The following DNAJC21 variants were observed in gnomAD, a reference collection of about 807,000 sequenced individuals.
DNAJC21 encodes the protein DnaJ heat shock protein family (Hsp40) member C21, also known as dnaJ homolog subfamily C member 21.
Under a neutral mutation model 72.4 loss-of-function variants are expected in DNAJC21, and 63 were observed. That is an observed-to-expected ratio of 0.87 (90% CI 0.71 to 1.07). The LOEUF is 1.07. Ranked by LOEUF, DNAJC21 falls within the 50% of genes least tolerant of loss-of-function variation. DNAJC21 has a pLI of 0.00. For synonymous variants in DNAJC21, 203 were observed against 216.7 expected, an observed-to-expected ratio of 0.94 and a Z score of 0.56; for missense variants, 634 against 644.8, an observed-to-expected ratio of 0.98 and a Z score of 0.18.
chr5:34,949,694 T>G (rs564526383), intron 9 of DNAJC21: 8 of 1,613,308 alleles, frequency 5.0e-6, no homozygotes, highest in Admixed American at 3.3e-5. Context: ...TTAGGATATG[T>G]TTGCCAGGCG....
rs2112108928 is a variant in DNAJC21 at position 34,954,543 on chromosome 5, C to T, written c.1435-10C>T. On this transcript the variant is annotated splice_polypyrimidine_tract_variant and intron_variant, in intron 11 of 11. Transcript: ENST00000648817. Reference sequence around the variant, plus strand: ...GCTTACTTTTATTTATGATTTTTTGCCCTTCTCAGAGTGTTCTTATCAGCT... The same window carrying T: ...GCTTACTTTTATTTATGATTTTTTGTCCTTCTCAGAGTGTTCTTATCAGCT... 2 of 1,584,244 alleles carry T rather than the reference C, an allele frequency of 1.3e-6. No individual in the cohort carries two copies. Among genetic ancestry groups the T allele is most frequent in the Middle Eastern group, 1.7e-4 (1 of 5,892 alleles).
At chr5:34,933,720 G>C in intron 1 of DNAJC21, 95 bp from the exon 2 acceptor site, 1 of 878,606 alleles carries the variant, frequency 1.1e-6, no homozygotes, top group Admixed American at 2.3e-5. Flanking sequence ...TTTTGTGCAC[G>C]TCTCATCTGT....
intron 1 of DNAJC21, 92 bp downstream of exon 1, chr5:34,930,008 CAG>C: frequency 9.8e-7 from 1 of 1,025,134 alleles, no homozygotes; most frequent in Non-Finnish European, 1.3e-6. Flanking sequence ...GCGGAGCCAG[CAG>C]AGAGGGACCT....
intron 7 of DNAJC21, among the ~76,000 whole-genome samples, chr5:34,944,239 C>T (rs974670200): frequency 3.3e-5 from 5 of 152,130 alleles, no homozygotes; most frequent in Admixed American, 6.5e-5. Flanking sequence ...ATGTACGTTA[C>T]GGTGGTGAGA....
intron 5 of DNAJC21, 109 bp downstream of exon 5, chr5:34,937,739 C>A: frequency 7.7e-7 from 1 of 1,291,444 alleles, no homozygotes; most frequent in East Asian, 2.4e-5. Context: ...TGGCTTTATC[C>A]TGCTTTTTCT....
intron 1 of DNAJC21, among the ~76,000 whole-genome samples, chr5:34,933,570 C>T (rs1029506570): frequency 3.3e-5 from 5 of 152,170 alleles, no homozygotes; most frequent in Admixed American, 1.3e-4. Flanking sequence ...TGAGCCATCA[C>T]GCCCAGCCCA....
intron 2 of DNAJC21, among the ~76,000 whole-genome samples, chr5:34,934,618 T>C (rs1279782321): frequency 6.6e-6 from 1 of 152,206 alleles, no homozygotes; most frequent in African/African-American, 2.4e-5. Flanking sequence ...GTGACAGATA[T>C]TACTAATGAT....
In DNAJC21 at chr5:34,950,190, T is replaced by C. The variant is rs749955362; in HGVS notation, c.1206T>C (p.Asn402=). The C allele has an allele frequency of 3.7e-6, 6 of 1,605,346 alleles. No homozygotes were observed. The East Asian group carries it at 1.1e-4, about 30-fold the overall frequency. The change falls in exon 10 of 12, where the codon AAT becomes AAC. Residue 402 remains asparagine (N), a synonymous_variant. Transcript: ENST00000648817. The stretch of plus-strand genomic sequence containing the variant: ...CCTAGAATTATGATGACAATTTCAA[T>C]GTAAATGGACCTGGAGAAGGAGTAA... The part of the protein sequence containing the change: ...KPAQNYDDNF[N]VNGPGEGVKV...
intron 6 of DNAJC21, among the ~76,000 whole-genome samples, chr5:34,940,437 A>G (rs1272306740): frequency 1.3e-5 from 2 of 152,200 alleles, no homozygotes; most frequent in Non-Finnish European, 2.9e-5. Flanking sequence ...ATACCTTGAG[A>G]TATTTATTGG....
chr5:34,958,503 G>A lies in DNAJC21; in HGVS notation c.*3789G>A, dbSNP rs556102839. 2 of 152,282 alleles carry A rather than the reference G, an allele frequency of 1.3e-5. No individual in the cohort carries two copies. The highest frequency in any genetic ancestry group is 2.9e-5 in the Non-Finnish European group (2 of 68,024). The allele number at this position is 152,282 out of a possible 1,614,324, so 9.4% of individuals were successfully genotyped here. A position where few individuals can be genotyped will look rare whatever the true frequency, so the allele number is the denominator to read the frequency against. On this transcript the variant is annotated 3_prime_UTR_variant, in exon 12 of 12. Transcript: ENST00000648817. ...GTTATTTTCATGATTTTGCAAATGGGAAGGATTTCTTTAAAGCAAGACACA... is the reference window on the plus strand; with the variant it reads ...GTTATTTTCATGATTTTGCAAATGGAAAGGATTTCTTTAAAGCAAGACACA...
intron 11 of DNAJC21, 141 bp downstream of exon 11, chr5:34,954,142 A>C (rs1765464575): frequency 1.5e-6 from 1 of 666,482 alleles, no homozygotes. Context: ...GTTTTGTTTG[A>C]TATAATGTAT....
chr5:34,935,240 A>C (rs1192656915), intron 2 of DNAJC21, among the ~76,000 whole-genome samples: 3 of 152,176 alleles, frequency 2.0e-5, no homozygotes. Context: ...GGAGATAATA[A>C]CTGCCTTTAC....
chr5:34,945,599 A>G (rs1031941880), intron 8 of DNAJC21, 162 bp from the exon 9 acceptor site: 18 of 586,704 alleles, frequency 3.1e-5, no homozygotes, highest in African/African-American at 2.1e-4. Context: ...TAAAATGACA[A>G]TGTGAATACT....
intron 9 of DNAJC21, 128 bp from the exon 10 acceptor site, chr5:34,950,042 C>A: frequency 9.5e-7 from 1 of 1,050,394 alleles, no homozygotes; most frequent in Non-Finnish European, 1.3e-6. Flanking sequence ...AATGAGCATC[C>A]ATGTTCTTAA....
chr5:34,947,288 G>T (rs964201180), intron 9 of DNAJC21, among the ~76,000 whole-genome samples: 2 of 152,028 alleles, frequency 1.3e-5, no homozygotes, highest in Non-Finnish European at 2.9e-5. Flanking sequence ...ACCTTCCAAG[G>T]GATATAGTTG....
In DNAJC21 at chr5:34,936,209, A is replaced by G; in HGVS notation, c.381A>G (p.Leu127=). The change falls in exon 4 of 12, where the codon TTA becomes TTG. Residue 127 remains leucine (L), a synonymous_variant. Coordinates refer to ENST00000648817, the MANE Select transcript of DNAJC21 (RefSeq NM_001012339.3). ...MIAKEELESV[L]EEEVDDFPTF... ...CCAAGGAAGAACTAGAATCTGTGTT[A>G]GAGGAAGAGGTTGATGATTTCCCAA... 1 of 1,614,124 alleles carries G rather than the reference A, an allele frequency of 6.2e-7. No individual in the cohort carries two copies. The highest frequency in any genetic ancestry group is 8.5e-7 in the Non-Finnish European group (1 of 1,179,986).
At position 34,933,830 on chromosome 5, in the gene DNAJC21, A is replaced by G. The variant is rs1297523096; in HGVS notation, c.113A>G (p.Asn38Ser). Reference protein sequence around the residue: ...LKWHPDKNLDNAAEAAEQFKL... With the variant: ...LKWHPDKNLDSAAEAAEQFKL... ...ACTTTAACAGATAAAAATCTGGATA[A>G]TGCCGCAGAAGCAGCTGAACAATTT... is the stretch of plus-strand genomic sequence containing the variant. The change falls in exon 2 of 12, where the codon AAT (asparagine) becomes AGT (serine). Residue 38 changes from asparagine (N) to serine (S), a missense_variant. Asn to Ser is a conservative substitution (Grantham distance 46). Transcript: ENST00000648817. 6.2e-7 allele frequency: 1 copy of G among 1,613,700 alleles called. No individual in the cohort carries two copies. Among genetic ancestry groups the G allele is most frequent in the Middle Eastern group, 1.6e-4 (1 of 6,084 alleles).
intron 1 of DNAJC21, among the ~76,000 whole-genome samples, chr5:34,931,501 T>C (rs1486510553): frequency 2.6e-5 from 4 of 152,236 alleles, no homozygotes; most frequent in Non-Finnish European, 4.4e-5. Flanking sequence ...TAGCGAATGC[T>C]GTGACCAAAA....
rs2112109997 is a variant in DNAJC21, at chr5:34,954,889, A to G, written c.*175A>G. The G allele has an allele frequency of 3.0e-6, 2 of 677,216 alleles. No individual in the cohort carries two copies. The highest frequency in any genetic ancestry group is 4.4e-6 in the Non-Finnish European group (2 of 453,982). 42.0% of individuals were successfully genotyped at this position (677,216 alleles called of 1,614,324 possible). A position where few individuals can be genotyped will look rare whatever the true frequency, so the allele number is the denominator to read the frequency against. On this transcript the variant is annotated 3_prime_UTR_variant, in exon 12 of 12. Transcript: ENST00000648817. The stretch of plus-strand genomic sequence containing the variant: ...TTAATATATATTTTTAAAACATTTC[A>G]CTAGTGATTGAATTCTACTTTTGCC...
Sources: gnomAD v4.1 joint callset for allele counts (sites outside exome capture counted in the v4.1 genomes callset) on GRCh38, gnomAD v4.1.1 for gene constraint, MANE v1.5 for transcripts, NCBI Gene and HGNC (gene_info 2026-07-23, HGNC 2026-07-21) for gene names.